Variants in TBC1D9 observed in about 807,000 individuals in gnomAD.
The protein encoded by TBC1D9 is TBC1 domain family member 9A.
A neutral mutation model predicts 132.0 loss-of-function variants in TBC1D9; 63 were observed. That is an observed-to-expected ratio of 0.48 (90% CI 0.39 to 0.59). TBC1D9 has a LOEUF of 0.59. Among genes scored for constraint, TBC1D9 ranks in the 20% least tolerant of loss-of-function variants. The pLI, the probability that TBC1D9 is intolerant of heterozygous loss-of-function variation, is 0.00. For missense variants in TBC1D9, 1,261 were observed against 1,592.7 expected (o/e 0.79, Z 3.54); for synonymous variants, 610 against 609.9 (o/e 1.00, Z 0.00).
intron 1 of TBC1D9, among the ~76,000 whole-genome samples, chr4:140,739,901 A>C (rs1178151520): frequency 6.6e-6 from 1 of 152,234 alleles, no homozygotes; most frequent in Non-Finnish European, 1.5e-5. Flanking sequence ...GAATTAGATA[A>C]ACAAGAGTTC....
At chr4:140,753,863 C>T (rs185544118) in intron 1 of TBC1D9, among the ~76,000 whole-genome samples, 2 of 152,312 alleles carry the variant, frequency 1.3e-5, no homozygotes, top group East Asian at 3.9e-4. Context: ...GAATATACTA[C>T]ACATTGTGTA....
chr4:140,648,567 G>A (rs145343354), intron 13 of TBC1D9, among the ~76,000 whole-genome samples: 1,756 of 151,854 alleles, frequency 0.012, 27 homozygotes, highest in African/African-American at 0.041. Flanking sequence ...TGTATTTTTT[G>A]TAGAGATGGA....
intron 1 of TBC1D9, among the ~76,000 whole-genome samples, chr4:140,733,669 T>C (rs1470607061): frequency 2.0e-5 from 3 of 152,204 alleles, no homozygotes; most frequent in Admixed American, 6.5e-5. Context: ...TTGAGTGTCC[T>C]TGAATGAAGT....
At chr4:140,690,744 A>G (rs1275013936) in intron 2 of TBC1D9, among the ~76,000 whole-genome samples, 1 of 152,124 alleles carries the variant, frequency 6.6e-6, no homozygotes, top group African/African-American at 2.4e-5. Flanking sequence ...ACTGGATTCT[A>G]TGACCAGTAT....
rs137890138 is a variant in TBC1D9, at chr4:140,661,477, C to T, written c.1803+416G>A. 1.8e-3 allele frequency among the ~76,000 whole-genome samples: 276 copies of T among 152,246 alleles called. 2 individuals carry two copies. Among genetic ancestry groups the T allele is most frequent in the African/African-American group, 6.4e-3 (267 of 41,532 alleles). On this transcript the variant is annotated intron_variant, in intron 10 of 20. Transcript: ENST00000442267. ...GTGCTGAGGATGCCCTCTCTTACTC[C>T]AGGGTGGGATGAAGGTTGAGGCAGA...
intron 2 of TBC1D9, 56 bp downstream of exon 2, chr4:140,701,448 T>C (rs933844511): frequency 1.7e-4 from 231 of 1,334,472 alleles, no homozygotes; most frequent in Non-Finnish European, 2.1e-4. Flanking sequence ...TGATAAAAAG[T>C]TGTTAACCCT....
At chr4:140,644,506 C>T (rs1328688999) in intron 13 of TBC1D9, 2 of 293,450 alleles carry the variant, frequency 6.8e-6, no homozygotes, top group Non-Finnish European at 6.6e-6. Context: ...AGGCGGGGGG[C>T]TTTCGCAGCA....
chr4:140,628,830 T>G (rs574309039), intron 16 of TBC1D9, among the ~76,000 whole-genome samples: 69 of 152,346 alleles, frequency 4.5e-4, no homozygotes, highest in African/African-American at 1.6e-3. Flanking sequence ...TCACTTCAAA[T>G]TACTCATTCT....
chr4:140,739,910 TC>T (rs1738733885), intron 1 of TBC1D9, among the ~76,000 whole-genome samples: 1 of 152,176 alleles, frequency 6.6e-6, no homozygotes, highest in Non-Finnish European at 1.5e-5. Flanking sequence ...AAACAAGAGT[TC>T]CCTTTTGTTT....
chr4:140,642,449 T>A, intron 13 of TBC1D9: 1 of 893,586 alleles, frequency 1.1e-6, no homozygotes, highest in South Asian at 1.4e-5. Flanking sequence ...TCATAAGGAG[T>A]TAAGTACTTG....
At position 140,669,788 on chromosome 4, in the gene TBC1D9, C is replaced by T; in HGVS notation, c.1283G>A (p.Ser428Asn). The change falls in exon 8 of 21, where the codon AGC becomes AAC. Residue 428 changes from serine to asparagine, a missense_variant. Ser to Asn is a conservative substitution (Grantham distance 46, BLOSUM62 1). Around this residue, in one of 3 missense-constraint regions of TBC1D9, gnomAD observed 550 missense variants for 699.0 expected, o/e 0.79. Transcript: ENST00000442267. ...SSDDEVYSRP[S>N]SLVSSSPQRS... ...CTGGGGGCTGGAGGAGACGAGGCTG[C>T]TGGGTCGAGAGTACACCTGTCAATA... is the stretch of plus-strand genomic sequence containing the variant. 2 of 1,613,728 alleles carry T rather than the reference C, an allele frequency of 1.2e-6. No individual in the cohort carries two copies. Among genetic ancestry groups the T allele is most frequent in the Non-Finnish European group, 1.7e-6 (2 of 1,179,734 alleles).
intron 3 of TBC1D9, 92 bp from the exon 4 acceptor site, chr4:140,679,935 T>TAA (rs35543802): frequency 7.2e-3 from 6,141 of 856,872 alleles, no homozygotes; most frequent in South Asian, 0.013. Flanking sequence ...AGGCTAGAAT[T>TAA]AAAAAAAAAA....
chr4:140,718,098 T>C (rs1034912023), intron 1 of TBC1D9, among the ~76,000 whole-genome samples: 12 of 152,190 alleles, frequency 7.9e-5, no homozygotes, highest in African/African-American at 2.4e-4. Flanking sequence ...TGCATACTGA[T>C]GGGATTCAAT....
chr4:140,749,497 T>TA (rs1197787516), intron 1 of TBC1D9, among the ~76,000 whole-genome samples: 2 of 151,972 alleles, frequency 1.3e-5, no homozygotes, highest in African/African-American at 4.8e-5. Context: ...ATAATACAAT[T>TA]AAGAGTCAAA....
chr4:140,694,434 G>A (rs933821063), intron 2 of TBC1D9, among the ~76,000 whole-genome samples: 1 of 151,974 alleles, frequency 6.6e-6, no homozygotes, highest in Admixed American at 6.6e-5. Context: ...AGCCAGGAGT[G>A]GTGGCGTACA....
chr4:140,693,197 A>C (rs1292993439), intron 2 of TBC1D9, among the ~76,000 whole-genome samples: 1 of 152,158 alleles, frequency 6.6e-6, no homozygotes, highest in Non-Finnish European at 1.5e-5. Flanking sequence ...TCCTGGGCTC[A>C]AGTGATCTTC....
intron 7 of TBC1D9, 88 bp downstream of exon 7, chr4:140,670,632 A>T (rs1301197043): frequency 1.1e-5 from 12 of 1,082,892 alleles, no homozygotes; most frequent in South Asian, 7.0e-5. Flanking sequence ...GCAAAGCTTG[A>T]AGATCAAACA....
At chr4:140,656,865 G>A (rs376766059) in intron 13 of TBC1D9, among the ~76,000 whole-genome samples, 9 of 152,256 alleles carry the variant, frequency 5.9e-5, no homozygotes, top group African/African-American at 1.9e-4. Flanking sequence ...GTGAAGACAT[G>A]GTATTTCTCC....
At chr4:140,753,500 A>G (rs1273578741) in intron 1 of TBC1D9, among the ~76,000 whole-genome samples, 1 of 152,056 alleles carries the variant, frequency 6.6e-6, no homozygotes, top group Non-Finnish European at 1.5e-5. Flanking sequence ...CCTTTCTGCT[A>G]TTGTCTATGT....
Sources: gnomAD v4.1 joint callset for allele counts (sites outside exome capture counted in the v4.1 genomes callset) on GRCh38, gnomAD v4.1.1 for gene constraint, gnomAD v4.1.1 regional missense constraint, MANE v1.5 for transcripts, NCBI Gene and HGNC (gene_info 2026-07-23, HGNC 2026-07-21) for gene names.